The following PCDH7 variants were observed in gnomAD, a reference collection of about 807,000 sequenced individuals.
The protein encoded by PCDH7 is protocadherin 7, also known as protocadherin-7.
A neutral mutation model predicts 58.9 loss-of-function variants in PCDH7; 17 were observed. The ratio of observed to expected loss-of-function variants is 0.29; its 90% CI spans 0.20 to 0.43. The LOEUF (loss-of-function observed/expected upper bound fraction) is 0.43, where lower values mean the gene tolerates loss of function less well. PCDH7 is among the 20% of genes least tolerant of loss of function. The pLI, the probability that PCDH7 is intolerant of heterozygous loss-of-function variation, is 1.00. For missense variants in PCDH7, 1,274 were observed against 1,441.0 expected (o/e 0.88, Z 1.88); for synonymous variants, 664 against 616.4 (o/e 1.08, Z -1.14).
chr4:31,087,213 C>G (rs1712559582), intron 3 of PCDH7, among the ~76,000 whole-genome samples: 1 of 152,092 alleles, frequency 6.6e-6, no homozygotes, highest in South Asian at 2.1e-4. Flanking sequence ...ACGTCAACTG[C>G]TAGCTATGGG....
At chr4:31,080,410 A>G (rs777326373) in intron 3 of PCDH7, among the ~76,000 whole-genome samples, 9 of 152,162 alleles carry the variant, frequency 5.9e-5, no homozygotes, top group Non-Finnish European at 1.2e-4. Flanking sequence ...AAAAATGGTA[A>G]CAGCCATTGT....
chr4:30,828,634 A>T (rs537162394), intron 1 of PCDH7, among the ~76,000 whole-genome samples: 1 of 152,128 alleles, frequency 6.6e-6, no homozygotes, highest in African/African-American at 2.4e-5. Context: ...CTTGTGTGCA[A>T]AAAAACATAA....
chr4:31,017,083 G>A (rs572850225), intron 3 of PCDH7, among the ~76,000 whole-genome samples: 4 of 152,216 alleles, frequency 2.6e-5, no homozygotes, highest in East Asian at 1.9e-4. Flanking sequence ...TAAGAGAAGC[G>A]TTAGCAATGT....
intron 3 of PCDH7, among the ~76,000 whole-genome samples, chr4:31,096,327 A>G (rs1360756533): frequency 6.6e-6 from 1 of 152,132 alleles, no homozygotes; most frequent in East Asian, 1.9e-4. Context: ...ATAGAAAAGG[A>G]TGTGGTCAAA....
downstream of PCDH7, chr4:31,143,433 A>G (rs948924206): frequency 6.6e-6 from 1 of 152,216 alleles, no homozygotes; most frequent in Non-Finnish European, 1.5e-5. Context: ...TGGGAATATC[A>G]AAGCTTTAAT....
intron 3 of PCDH7, among the ~76,000 whole-genome samples, chr4:31,004,129 G>T (rs1752574448): frequency 6.6e-6 from 1 of 152,058 alleles, no homozygotes. Flanking sequence ...TTATCCAGTG[G>T]CTAGGGAAAG....
At chr4:30,827,406 A>G (rs1334300601) in intron 1 of PCDH7, among the ~76,000 whole-genome samples, 2 of 152,194 alleles carry the variant, frequency 1.3e-5, no homozygotes. Flanking sequence ...TGTAAAGACT[A>G]TTATTTGTTT....
chr4:30,983,339 G>A (rs1750723167), intron 3 of PCDH7, among the ~76,000 whole-genome samples: 1 of 152,066 alleles, frequency 6.6e-6, no homozygotes, highest in Non-Finnish European at 1.5e-5. Flanking sequence ...TAATTACTAT[G>A]AGCCAAGGGA....
chr4:30,850,456 T>C (rs1732576155), intron 1 of PCDH7, among the ~76,000 whole-genome samples: 2 of 152,104 alleles, frequency 1.3e-5, no homozygotes, highest in Admixed American at 1.3e-4. Context: ...ATATTATACA[T>C]GAAAAAAACT....
At chr4:30,747,401 G>C (rs879328540) in intron 1 of PCDH7, among the ~76,000 whole-genome samples, 4 of 152,072 alleles carry the variant, frequency 2.6e-5, no homozygotes, top group Non-Finnish European at 5.9e-5. Context: ...TGGCTCTTAC[G>C]GTCAAAAGTC....
At chr4:30,888,064 C>T (rs375740266) in intron 1 of PCDH7, among the ~76,000 whole-genome samples, 110 of 151,990 alleles carry the variant, frequency 7.2e-4, no homozygotes, top group South Asian at 6.2e-3. Flanking sequence ...TTAGTAGAGA[C>T]GGGGTTTCAC....
At chr4:31,030,539 T>A (rs1754816500) in intron 3 of PCDH7, among the ~76,000 whole-genome samples, 1 of 152,150 alleles carries the variant, frequency 6.6e-6, no homozygotes, top group South Asian at 2.1e-4. Context: ...ATAATTTTAA[T>A]CATGAACAGC....
intron 3 of PCDH7, among the ~76,000 whole-genome samples, chr4:30,962,103 G>A (rs1370018743): frequency 6.6e-6 from 1 of 152,132 alleles, no homozygotes; most frequent in African/African-American, 2.4e-5. Flanking sequence ...GAGCAAAAGT[G>A]CATTTATTTA....
At chr4:31,139,307 T>G (rs1232134863) in intron 3 of PCDH7, among the ~76,000 whole-genome samples, 1 of 152,172 alleles carries the variant, frequency 6.6e-6, no homozygotes, top group Non-Finnish European at 1.5e-5. Flanking sequence ...CTGTTGTTCA[T>G]TTGTATTGAT....
intron 1 of PCDH7, among the ~76,000 whole-genome samples, chr4:30,729,501 G>T (rs1715167673): frequency 6.6e-6 from 1 of 151,824 alleles, no homozygotes; most frequent in African/African-American, 2.4e-5. Context: ...ATCTTAACAT[G>T]GTTAAGAACA....
intron 3 of PCDH7, among the ~76,000 whole-genome samples, chr4:31,068,539 C>T (rs1380978364): frequency 6.6e-6 from 1 of 152,034 alleles, no homozygotes; most frequent in Non-Finnish European, 1.5e-5. Context: ...TGGTGAAGTG[C>T]GTTATTCTGC....
intron 2 of PCDH7, among the ~76,000 whole-genome samples, chr4:30,924,597 C>A (rs928120440): frequency 1.3e-5 from 2 of 152,010 alleles, no homozygotes; most frequent in African/African-American, 4.8e-5. Flanking sequence ...GGTGTGATTT[C>A]TGGCCAGGTG....
At chr4:31,084,543 A>C (rs1250767898) in intron 3 of PCDH7, among the ~76,000 whole-genome samples, 1 of 151,184 alleles carries the variant, frequency 6.6e-6, no homozygotes, top group Non-Finnish European at 1.5e-5. Context: ...CTATACAGGA[A>C]GCATGGTGCC....
At chr4:30,853,162 T>C (rs1263287660) in intron 1 of PCDH7, among the ~76,000 whole-genome samples, 1 of 152,098 alleles carries the variant, frequency 6.6e-6, no homozygotes, top group East Asian at 1.9e-4. Context: ...AAGAAAAAAC[T>C]AGGCCTTTGG....
Sources: gnomAD v4.1 joint callset for allele counts (sites outside exome capture counted in the v4.1 genomes callset) on GRCh38, gnomAD v4.1.1 for gene constraint, MANE v1.5 for transcripts, NCBI Gene and HGNC (gene_info 2026-07-23, HGNC 2026-07-21) for gene names.